NAT9: variants seen among roughly 807,000 people sequenced by gnomAD.
NAT9 encodes the protein alpha/beta-tubulin-N-acetyltransferase 9.
NAT9 carries 18 observed loss-of-function variants against 24.0 expected under a neutral mutation model. The ratio of observed to expected loss-of-function variants is 0.75; its 90% CI spans 0.52 to 1.11. The LOEUF is 1.11. NAT9 is among the 50% of genes most tolerant of loss of function. NAT9 has a pLI of 0.00. For missense variants in NAT9, 254 were observed against 258.6 expected (o/e 0.98, Z 0.12); for synonymous variants, 104 against 102.3 (o/e 1.02, Z -0.10).
intron 4 of NAT9, 142 bp downstream of exon 4, chr17:74,772,754 G>T: frequency 7.6e-7 from 1 of 1,316,986 alleles, no homozygotes; most frequent in Non-Finnish European, 1.0e-6. Context: ...TAGGTGGGCA[G>T]GCTGCCCAGC....
rs34005401 is a variant in NAT9, at chr17:74,774,551, C to CTT, written c.78-865_78-864dup. ...TTCTCCACGTTGATCAGGCTGGTCT[C>CTT]TTTTTTTTTTTTTTTTTGAGACGGA... On this transcript the variant is annotated intron_variant, in intron 2 of 6. Transcript: ENST00000357814. Among the ~76,000 whole-genome samples the CTT allele has an allele frequency of 7.1e-3, 930 of 130,104 alleles. 26 individuals carry two copies. Among genetic ancestry groups the CTT allele is most frequent in the East Asian group, 0.014 (65 of 4,538 alleles). 85.4% of individuals were successfully genotyped at this position (130,104 alleles called of 152,430 possible).
Position 74,771,491 on chromosome 17 carries a change from G to A in NAT9, c.*233C>T. ...CCTCCATTCCAGCTTCCTAGAGTCT[G>A]GGTCTGGGTTTGGCCGGGAGGGGAG... On this transcript the variant is annotated 3_prime_UTR_variant, in exon 7 of 7. Transcript: ENST00000357814. 1 of 621,894 alleles carries A rather than the reference G, an allele frequency of 1.6e-6. No individual in the cohort carries two copies. Among genetic ancestry groups the A allele is most frequent in the Non-Finnish European group, 2.8e-6 (1 of 363,134 alleles). 38.5% of individuals were successfully genotyped at this position (621,894 alleles called of 1,614,324 possible). A position where few individuals can be genotyped will look rare whatever the true frequency, so the allele number is the denominator to read the frequency against.
intron 4 of NAT9, 191 bp downstream of exon 4, chr17:74,772,705 A>C (rs1445451075): frequency 8.8e-7 from 1 of 1,133,458 alleles, no homozygotes; most frequent in Non-Finnish European, 1.2e-6. Flanking sequence ...TAAGGACTAA[A>C]GTGATGAGGC....
chr17:74,771,481 C>T lies in NAT9; in HGVS notation c.*243G>A. The T allele has an allele frequency of 5.0e-6, 3 of 601,470 alleles. No individual in the cohort carries two copies. Among genetic ancestry groups the T allele is most frequent in the Non-Finnish European group, 8.7e-6 (3 of 346,706 alleles). 37.3% of individuals were successfully genotyped at this position (601,470 alleles called of 1,614,324 possible). ...GGATCCCTGCCCTCCATTCCAGCTT[C>T]CTAGAGTCTGGGTCTGGGTTTGGCC... is the stretch of plus-strand genomic sequence containing the variant. On this transcript the variant is annotated 3_prime_UTR_variant, in exon 7 of 7. Coordinates refer to ENST00000357814, the MANE Select transcript of NAT9 (RefSeq NM_015654.5).
intron 2 of NAT9, among the ~76,000 whole-genome samples, chr17:74,774,738 G>C (rs1260910798): frequency 3.3e-5 from 5 of 151,998 alleles, no homozygotes; most frequent in Admixed American, 2.6e-4. Flanking sequence ...TTTTAGTAGA[G>C]ACGGGGTTTC....
Position 74,775,679 on chromosome 17 carries a change from G to T in NAT9, c.20C>A (p.Thr7Asn). 6.2e-7 allele frequency: 1 copy of T among 1,614,114 alleles called. No individual in the cohort carries two copies. The highest frequency in any genetic ancestry group is 8.5e-7 in the Non-Finnish European group (1 of 1,179,984). MRLNQNTLLLGKKVVLV... is the reference protein window; with the variant it reads MRLNQNNLLLGKKVVLV... ...GACCACCTTCTTCCCCAGCAGCAAG[G>T]TGTTCTGATTCAACCTCATGGTAGC... Residue 7 changes from threonine (T) to asparagine (N), a missense_variant, in exon 2 of 7, where the codon ACC becomes AAC. Coordinates refer to ENST00000357814, the MANE Select transcript of NAT9 (RefSeq NM_015654.5).
At chr17:74,772,617 G>C (rs1412959637) in intron 4 of NAT9, 9 of 1,365,806 alleles carry the variant, frequency 6.6e-6, no homozygotes, top group Non-Finnish European at 3.8e-6. Context: ...TTTTCTGAGG[G>C]TCCCCAGCCC....
intron 1 of NAT9, 27 bp from the exon 2 acceptor site, chr17:74,775,734 C>G: frequency 6.3e-7 from 1 of 1,596,032 alleles, no homozygotes; most frequent in Non-Finnish European, 8.6e-7. Context: ...AGAGCAAAGA[C>G]TTCAGGACCC....
intron 4 of NAT9, 127 bp from the exon 5 acceptor site, chr17:74,772,404 G>C (rs756988825): frequency 3.5e-6 from 5 of 1,441,280 alleles, no homozygotes; most frequent in Non-Finnish European, 4.6e-6. Flanking sequence ...TTCTGCAGAC[G>C]AGGAAACAGG....
chr17:74,775,672 C>G lies in NAT9; in HGVS notation c.27G>C (p.Leu9=). Residue 9 remains leucine (L), a synonymous_variant, in exon 2 of 7, where the codon CTG becomes CTC. Coordinates refer to ENST00000357814, the MANE Select transcript of NAT9 (RefSeq NM_015654.5). ...GTACAAGGACCACCTTCTTCCCCAG[C>G]AGCAAGGTGTTCTGATTCAACCTCA... The part of the protein sequence containing the change: MRLNQNTL[L]LGKKVVLVPY... 1 of 1,614,118 alleles carries G rather than the reference C, an allele frequency of 6.2e-7. No homozygotes were observed. Among genetic ancestry groups the G allele is most frequent in the South Asian group, 1.1e-5 (1 of 91,084 alleles).
rs774659842 is a variant in NAT9, at chr17:74,772,931, T to C, written c.299A>G (p.Asp100Gly). The C allele has an allele frequency of 6.2e-7, 1 of 1,613,940 alleles. No homozygotes were observed. Among genetic ancestry groups the C allele is most frequent in the South Asian group, 1.1e-5 (1 of 91,072 alleles). Residue 100 changes from aspartate to glycine, a missense_variant, in exon 4 of 7, where the codon GAC becomes GGC. Asp to Gly is a moderately conservative substitution (Grantham distance 94). Transcript: ENST00000357814. ...DVNLFLTDLE[D>G]LTLGEIEVMI... ...GACCTCGATCTCCCCCAAGGTGAGG[T>C]CTTCTAGATCTGTGAGGAAGAGGTT...
rs1206154298 is a variant in NAT9 at position 74,773,606 on chromosome 17, T to C, written c.160A>G (p.Met54Val). The change falls in exon 3 of 7, where the codon ATG becomes GTG. Residue 54 changes from methionine to valine, a missense_variant. Met to Val is a conservative substitution (Grantham distance 21). Transcript: ENST00000357814. ...EPLTLEQEYA[M>V]QCSWQEDADK... ...GCATCTTCCTGCCAGCTGCACTGCA[T>C]GGCATACTCCTGCTCCAGGGTCAGC... The C allele has an allele frequency of 7.4e-6, 12 of 1,614,000 alleles. No homozygotes were observed. Among genetic ancestry groups the C allele is most frequent in the Non-Finnish European group, 1.0e-5 (12 of 1,180,014 alleles).
At position 74,771,344 on chromosome 17, in the gene NAT9, T is replaced by A; in HGVS notation, c.*380A>T. 1 of 257,464 alleles carries A rather than the reference T, an allele frequency of 3.9e-6. No homozygotes were observed. Among genetic ancestry groups the A allele is most frequent in the East Asian group, 8.1e-5 (1 of 12,362 alleles). The allele number at this position is 257,464 out of a possible 1,614,324, so 15.9% of individuals were successfully genotyped here. A position where few individuals can be genotyped will look rare whatever the true frequency, so the allele number is the denominator to read the frequency against. ...AAGCTGGTAGTGCCTGGAGCTTCAC[T>A]CCCAGCCAGGGCAGCACCTCTGGCC... On this transcript the variant is annotated 3_prime_UTR_variant, in exon 7 of 7. Transcript: ENST00000357814.
intron 2 of NAT9, 29 bp from the exon 3 acceptor site, chr17:74,773,717 G>A (rs940129486): frequency 6.3e-6 from 10 of 1,592,494 alleles, no homozygotes; most frequent in Non-Finnish European, 8.6e-6. Context: ...TTTAGACATG[G>A]AGGACTCATT....
chr17:74,772,468 A>C, intron 4 of NAT9, 191 bp from the exon 5 acceptor site: 1 of 1,434,582 alleles, frequency 7.0e-7, no homozygotes, highest in Non-Finnish European at 9.1e-7. Context: ...CTGACTTCAA[A>C]GCTGACCTCT....
At position 74,773,044 on chromosome 17, in the gene NAT9, G is replaced by A. The variant is rs747451341; in HGVS notation, c.191-5C>T. 33 of 1,613,446 alleles carry A rather than the reference G, an allele frequency of 2.0e-5. No individual in the cohort carries two copies. In the East Asian group the frequency reaches 5.3e-4, roughly 26 times the overall value. On this transcript the variant is annotated splice_region_variant and splice_polypyrimidine_tract_variant and intron_variant, in intron 3 of 6. Coordinates refer to ENST00000357814, the MANE Select transcript of NAT9 (RefSeq NM_015654.5). Reference sequence around the variant, plus strand: ...CCAGCACAATGAAGGTACACTCTGAGGAGGAGGTGACAGGGCTATCACACA... The same window carrying A: ...CCAGCACAATGAAGGTACACTCTGAAGAGGAGGTGACAGGGCTATCACACA...
intron 4 of NAT9, 182 bp downstream of exon 4, chr17:74,772,714 G>T: frequency 8.7e-7 from 1 of 1,145,580 alleles, no homozygotes; most frequent in Non-Finnish European, 1.2e-6. Context: ...AAGTGATGAG[G>T]CTGAGGGTGT....
At position 74,772,054 on chromosome 17, in the gene NAT9, C is replaced by G. The variant is rs771557752; in HGVS notation, c.395G>C (p.Gly132Ala). 6.2e-7 allele frequency: 1 copy of G among 1,614,220 alleles called. No homozygotes were observed. The highest frequency in any genetic ancestry group is 8.5e-7 in the Non-Finnish European group (1 of 1,180,048). The change falls in exon 6 of 7, where the codon GGA (glycine) becomes GCA (alanine). Residue 132 changes from glycine to alanine, a missense_variant and splice_region_variant. Transcript: ENST00000357814. ...TEAVLAMLSY[G>A]VTTLGLTKFE... ...CTTGGTCAGACCTAGCGTGGTCACT[C>G]CTCGCAGAGGAGATGAGACAGGGGC...
At position 74,771,846 on chromosome 17, in the gene NAT9, T is replaced by C; in HGVS notation, c.502A>G (p.Ser168Gly). The C allele has an allele frequency of 6.2e-7, 1 of 1,614,218 alleles. No individual in the cohort carries two copies. Among genetic ancestry groups the C allele is most frequent in the Non-Finnish European group, 8.5e-7 (1 of 1,180,036 alleles). Residue 168 changes from serine to glycine, a missense_variant, in exon 7 of 7, where the codon AGT becomes GGT. Physicochemically the swap from Ser to Gly is moderately conservative, Grantham distance 56 (BLOSUM62 0). Coordinates refer to ENST00000357814, the MANE Select transcript of NAT9 (RefSeq NM_015654.5). ...CTGAGGGTCACCTCCTGAAAAACAC[T>C]GCTCGTAGCCACCTACGTGAGCCAG... is the stretch of plus-strand genomic sequence containing the variant. ...KLHFEQVATS[S>G]VFQEVTLRLT...
Sources: gnomAD v4.1 joint callset for allele counts (sites outside exome capture counted in the v4.1 genomes callset) on GRCh38, gnomAD v4.1.1 for gene constraint, MANE v1.5 for transcripts, NCBI Gene and HGNC (gene_info 2026-07-23, HGNC 2026-07-21) for gene names.